WWTR1: variants seen among roughly 807,000 people sequenced by gnomAD.
WWTR1 encodes WW domain-containing transcription regulator protein 1.
A neutral mutation model predicts 40.1 loss-of-function variants in WWTR1; 13 were observed. The ratio of observed to expected loss-of-function variants is 0.32; its 90% CI spans 0.21 to 0.52. The LOEUF (loss-of-function observed/expected upper bound fraction) is 0.52, where lower values mean the gene tolerates loss of function less well. Among genes scored for constraint, WWTR1 ranks in the 20% least tolerant of loss-of-function variants. The pLI, the probability that WWTR1 is intolerant of heterozygous loss-of-function variation, is 0.97. For synonymous variants in WWTR1, 230 were observed against 210.1 expected, an observed-to-expected ratio of 1.09 and a Z score of -0.82; for missense variants, 436 against 523.1, an observed-to-expected ratio of 0.83 and a Z score of 1.63.
intron 2 of WWTR1, among the ~76,000 whole-genome samples, chr3:149,633,985 T>G (rs1306251665): frequency 6.6e-6 from 1 of 152,082 alleles, no homozygotes; most frequent in African/African-American, 2.4e-5. Flanking sequence ...TTAGCCTGGC[T>G]GTGGTGTGCA....
intron 5 of WWTR1, 54 bp from the exon 6 acceptor site, chr3:149,526,179 A>C: frequency 7.3e-7 from 1 of 1,364,692 alleles, no homozygotes; most frequent in Non-Finnish European, 1.0e-6. Flanking sequence ...ATAAATCTCA[A>C]AATTAAAACA....
chr3:149,702,430 G>T (rs1307527424), intron 1 of WWTR1: 1 of 151,052 alleles, frequency 6.6e-6, no homozygotes, highest in Non-Finnish European at 1.5e-5. Flanking sequence ...TACTAATTTG[G>T]TAACCTTAGG....
At chr3:149,542,266 C>CCCTGAAGGTAAGGT in intron 4 of WWTR1, 69 bp downstream of exon 4, 1 of 1,513,914 alleles carries the variant, frequency 6.6e-7, no homozygotes, top group South Asian at 1.3e-5. Context: ...TGAAGGTAAG[C>CCCTGAAGGTAAGGT]AGCTACCTAC....
rs1734882955 is a variant in WWTR1, at chr3:149,518,237, A to G, written c.*2568T>C. On this transcript the variant is annotated 3_prime_UTR_variant, in exon 7 of 7. Transcript: ENST00000360632. ...ATTCATAAATGTTCTAACTAATTTA[A>G]CTAAAAAAATCTTCTAGTATTTTCT... is the stretch of plus-strand genomic sequence containing the variant. 6.6e-6 allele frequency: 1 copy of G among 152,090 alleles called. No individual in the cohort carries two copies. The highest frequency in any genetic ancestry group is 2.1e-4 in the South Asian group (1 of 4,834). The allele number at this position is 152,090 out of a possible 1,614,324, so 9.4% of individuals were successfully genotyped here.
Position 149,520,246 on chromosome 3 carries a change from G to A in WWTR1, c.*559C>T, listed in dbSNP as rs1734980734. The A allele has an allele frequency of 6.6e-6, 1 of 152,138 alleles. No individual in the cohort carries two copies. The highest frequency in any genetic ancestry group is 2.1e-4 in the South Asian group (1 of 4,820). The allele number at this position is 152,138 out of a possible 1,614,324, so 9.4% of individuals were successfully genotyped here. A position where few individuals can be genotyped will look rare whatever the true frequency, so the allele number is the denominator to read the frequency against. Reference sequence around the variant, plus strand: ...TAATAAGAGCCATCAGAGCCAGCATGGATTCAAAATTACATTGTATTCCAT... The same window carrying A: ...TAATAAGAGCCATCAGAGCCAGCATAGATTCAAAATTACATTGTATTCCAT... On this transcript the variant is annotated 3_prime_UTR_variant, in exon 7 of 7. Coordinates refer to ENST00000360632, the MANE Select transcript of WWTR1 (RefSeq NM_015472.6).
chr3:149,648,942 TACTC>T (rs1206573127), intron 2 of WWTR1: 1 of 152,152 alleles, frequency 6.6e-6, no homozygotes, highest in East Asian at 1.9e-4. Flanking sequence ...TTTTAGGACA[TACTC>T]ACGATGCTAA....
intron 2 of WWTR1, among the ~76,000 whole-genome samples, chr3:149,606,515 T>C (rs149636880): frequency 6.9e-4 from 105 of 152,238 alleles, no homozygotes; most frequent in Non-Finnish European, 1.3e-3. Flanking sequence ...CACAAAACTA[T>C]GGGGTGAGGA....
chr3:149,582,825 ATAT>A (rs1738218465), intron 2 of WWTR1, among the ~76,000 whole-genome samples: 1 of 152,212 alleles, frequency 6.6e-6, no homozygotes, highest in Non-Finnish European at 1.5e-5. Context: ...CTATTTCACG[ATAT>A]TATTTCCAGA....
At chr3:149,522,501 A>G (rs1342461543) in intron 6 of WWTR1, among the ~76,000 whole-genome samples, 1 of 152,218 alleles carries the variant, frequency 6.6e-6, no homozygotes, top group Non-Finnish European at 1.5e-5. Context: ...ATATAGTGTT[A>G]CTGATATTGA....
At chr3:149,649,516 A>G (rs1049021316) in intron 2 of WWTR1, among the ~76,000 whole-genome samples, 3 of 152,248 alleles carry the variant, frequency 2.0e-5, no homozygotes, top group African/African-American at 4.8e-5. Flanking sequence ...GCAAGTGAAC[A>G]TCATCTTTTC....
chr3:149,640,010 A>AAAGAAAG (rs1311464193), intron 2 of WWTR1, among the ~76,000 whole-genome samples: 2 of 140,346 alleles, frequency 1.4e-5, no homozygotes, highest in African/African-American at 6.2e-5. Context: ...AAAAAAAAAA[A>AAAGAAAG]AAAGAAAGAA....
At chr3:149,668,721 C>T (rs1183484434) in intron 2 of WWTR1, among the ~76,000 whole-genome samples, 4 of 152,008 alleles carry the variant, frequency 2.6e-5, no homozygotes, top group Admixed American at 6.6e-5. Context: ...CAATGGGGAA[C>T]GGGGGATCCC....
intron 3 of WWTR1, among the ~76,000 whole-genome samples, chr3:149,545,836 T>A (rs1236189515): frequency 1.3e-5 from 2 of 152,212 alleles, no homozygotes; most frequent in Non-Finnish European, 2.9e-5. Flanking sequence ...TTAATTTTTA[T>A]AACTTAGATA....
chr3:149,680,556 CCAACCAAA>C (rs1206962040), intron 1 of WWTR1, among the ~76,000 whole-genome samples: 156 of 135,610 alleles, frequency 1.2e-3, no homozygotes, highest in Non-Finnish European at 1.9e-3. Flanking sequence ...AAAAAACCAA[CCAACCAAA>C]CAAACAAACA....
intron 2 of WWTR1, among the ~76,000 whole-genome samples, chr3:149,637,690 G>A (rs1419593326): frequency 3.3e-5 from 5 of 152,174 alleles, no homozygotes; most frequent in Admixed American, 3.3e-4. Flanking sequence ...ACGACACTCT[G>A]ATGGACAGTA....
At chr3:149,598,974 C>T (rs896360896) in intron 2 of WWTR1, among the ~76,000 whole-genome samples, 3 of 152,182 alleles carry the variant, frequency 2.0e-5, no homozygotes, top group Admixed American at 6.5e-5. Flanking sequence ...ATTATTTGTA[C>T]ATAAGAACAA....
chr3:149,646,982 A>T (rs1425522290), intron 2 of WWTR1, among the ~76,000 whole-genome samples: 7 of 151,900 alleles, frequency 4.6e-5, no homozygotes, highest in Non-Finnish European at 1.0e-4. Flanking sequence ...TGTGGTCCTT[A>T]AAAAAAACAG....
intron 5 of WWTR1, among the ~76,000 whole-genome samples, chr3:149,713,538 G>A (rs1160642458): frequency 6.6e-6 from 1 of 151,798 alleles, no homozygotes; most frequent in African/African-American, 2.4e-5. Flanking sequence ...CCGCCACCAC[G>A]CCCGACTAAT....
chr3:149,608,187 A>T (rs1298369654), intron 2 of WWTR1, among the ~76,000 whole-genome samples: 1 of 152,106 alleles, frequency 6.6e-6, no homozygotes, highest in Non-Finnish European at 1.5e-5. Context: ...ATTGCCCATT[A>T]TATTGTTTTT....
Sources: gnomAD v4.1 joint callset for allele counts (sites outside exome capture counted in the v4.1 genomes callset) on GRCh38, gnomAD v4.1.1 for gene constraint, MANE v1.5 for transcripts, NCBI Gene and HGNC (gene_info 2026-07-23, HGNC 2026-07-21) for gene names.